Variants in ARHGAP24 observed in about 807,000 individuals in gnomAD.
ARHGAP24 encodes the protein rho GTPase-activating protein 24.
A neutral mutation model predicts 76.4 loss-of-function variants in ARHGAP24; 50 were observed. That is an observed-to-expected ratio of 0.65 (90% CI 0.52 to 0.83). The LOEUF (loss-of-function observed/expected upper bound fraction) is 0.83, where lower values mean the gene tolerates loss of function less well. ARHGAP24 is among the 40% of genes least tolerant of loss of function. ARHGAP24 has a pLI of 0.00. For missense variants in ARHGAP24, 930 were observed against 914.2 expected, an observed-to-expected ratio of 1.02 and a Z score of -0.22; for synonymous variants, 345 against 323.3, an observed-to-expected ratio of 1.07 and a Z score of -0.72.
At chr4:85,553,615 G>A (rs1369911811) in intron 1 of ARHGAP24, among the ~76,000 whole-genome samples, 1 of 152,072 alleles carries the variant, frequency 6.6e-6, no homozygotes, top group Non-Finnish European at 1.5e-5. Flanking sequence ...TAGACACAGA[G>A]CACTGATTGG....
intron 2 of ARHGAP24, among the ~76,000 whole-genome samples, chr4:85,681,100 C>G (rs1723187346): frequency 6.6e-6 from 1 of 152,076 alleles, no homozygotes; most frequent in Admixed American, 6.6e-5. Context: ...GAAAAACTCC[C>G]AGTATAATTT....
chr4:85,717,647 C>T (rs991402851), intron 2 of ARHGAP24, among the ~76,000 whole-genome samples: 2 of 152,094 alleles, frequency 1.3e-5, no homozygotes, highest in Non-Finnish European at 1.5e-5. Context: ...ATTTCCTCCA[C>T]TTTGAAAGAT....
chr4:85,991,512 C>G (rs1020515777), intron 8 of ARHGAP24: 1 of 152,112 alleles, frequency 6.6e-6, no homozygotes, highest in South Asian at 2.1e-4. Flanking sequence ...GCAAGTAATA[C>G]TATTTGACAA....
chr4:85,712,019 T>C (rs951376829), intron 2 of ARHGAP24, among the ~76,000 whole-genome samples: 2 of 152,304 alleles, frequency 1.3e-5, no homozygotes, highest in Admixed American at 6.5e-5. Context: ...ACCCTCCCTA[T>C]TCTTTTTCTT....
intron 2 of ARHGAP24, among the ~76,000 whole-genome samples, chr4:85,637,438 T>G (rs1015425144): frequency 6.6e-6 from 1 of 152,126 alleles, no homozygotes; most frequent in African/African-American, 2.4e-5. Context: ...TCAACTACAC[T>G]GATTTTCGAA....
intron 1 of ARHGAP24, among the ~76,000 whole-genome samples, chr4:85,564,970 A>ATATATATATATATG (rs1553914962): frequency 8.6e-6 from 1 of 116,502 alleles, no homozygotes; most frequent in African/African-American, 3.4e-5. Context: ...ATATATATAT[A>ATATATATATATATG]CCCACACCCA....
chr4:85,703,471 A>G (rs976040930), intron 2 of ARHGAP24, among the ~76,000 whole-genome samples: 1 of 151,974 alleles, frequency 6.6e-6, no homozygotes, highest in African/African-American at 2.4e-5. Flanking sequence ...ACATCAAAAT[A>G]CCCCCAAGAT....
At chr4:85,636,254 A>G (rs377540993) in intron 2 of ARHGAP24, among the ~76,000 whole-genome samples, 3 of 151,624 alleles carry the variant, frequency 2.0e-5, no homozygotes, top group East Asian at 3.9e-4. Context: ...AGTATTTCCC[A>G]AAGCGTTAGT....
intron 3 of ARHGAP24, among the ~76,000 whole-genome samples, chr4:85,859,769 C>T (rs189017507): frequency 7.6e-4 from 115 of 152,146 alleles, no homozygotes; most frequent in African/African-American, 2.6e-3. Context: ...ATTTAAGAGC[C>T]TAAGCCTACT....
intron 2 of ARHGAP24, among the ~76,000 whole-genome samples, chr4:85,589,979 C>T (rs1466479572): frequency 1.3e-5 from 2 of 152,114 alleles, no homozygotes; most frequent in Non-Finnish European, 2.9e-5. Context: ...CTAATATGTG[C>T]ATTTTGCATG....
chr4:85,827,461 C>CGT (rs56379272), intron 3 of ARHGAP24, among the ~76,000 whole-genome samples: 8,927 of 108,604 alleles, frequency 0.082, 444 homozygotes, highest in East Asian at 0.18. Flanking sequence ...GAAGTCTGCC[C>CGT]GTGTGTGTGT....
chr4:85,498,935 CTTT>C (rs1723687921), intron 1 of ARHGAP24, among the ~76,000 whole-genome samples: 1 of 152,046 alleles, frequency 6.6e-6, no homozygotes, highest in Non-Finnish European at 1.5e-5. Flanking sequence ...TTTATTTTTT[CTTT>C]TATTTGCTTC....
At chr4:85,929,629 CAT>C (rs1414351335) in intron 4 of ARHGAP24, among the ~76,000 whole-genome samples, 1 of 152,182 alleles carries the variant, frequency 6.6e-6, no homozygotes, top group Non-Finnish European at 1.5e-5. Context: ...CCTAGAGAAA[CAT>C]ATATGTGTGT....
At chr4:85,656,874 G>A (rs943397327) in intron 2 of ARHGAP24, among the ~76,000 whole-genome samples, 7 of 152,104 alleles carry the variant, frequency 4.6e-5, no homozygotes, top group Admixed American at 3.3e-4. Context: ...CACTGTAGTG[G>A]CTTTACTAAC....
intron 2 of ARHGAP24, among the ~76,000 whole-genome samples, chr4:85,591,129 C>T (rs746744474): frequency 2.8e-4 from 40 of 142,594 alleles, no homozygotes; most frequent in Admixed American, 1.5e-3. Flanking sequence ...ACTGCCACCT[C>T]TGCCTCCCGG....
At chr4:85,962,283 G>C (rs1445945124) in intron 5 of ARHGAP24, among the ~76,000 whole-genome samples, 1 of 151,972 alleles carries the variant, frequency 6.6e-6, no homozygotes, top group Non-Finnish European at 1.5e-5. Flanking sequence ...TCAAAGGTTA[G>C]GAAAATAGTG....
chr4:85,529,196 G>A (rs1391074259), intron 1 of ARHGAP24, among the ~76,000 whole-genome samples: 1 of 151,900 alleles, frequency 6.6e-6, no homozygotes, highest in Non-Finnish European at 1.5e-5. Flanking sequence ...TTTCTTCCCA[G>A]AAAGAGTCTA....
chr4:85,666,034 C>G (rs186076073), intron 2 of ARHGAP24, among the ~76,000 whole-genome samples: 1 of 152,286 alleles, frequency 6.6e-6, no homozygotes, highest in Admixed American at 6.5e-5. Flanking sequence ...GTGGCCTTCT[C>G]TGTATTTCCT....
At chr4:85,536,062 G>T (rs1410107574) in intron 1 of ARHGAP24, among the ~76,000 whole-genome samples, 1 of 151,954 alleles carries the variant, frequency 6.6e-6, no homozygotes, top group Non-Finnish European at 1.5e-5. Context: ...AAATTTGACA[G>T]CAGTATTTAT....
Sources: allele counts gnomAD v4.1 joint callset (sites outside exome capture counted in the v4.1 genomes callset), GRCh38; gene constraint gnomAD v4.1.1; transcripts MANE v1.5; gene names NCBI Gene and HGNC (gene_info 2026-07-23, HGNC 2026-07-21).